The following ATP6V0A1 variants were observed in gnomAD, a reference collection of about 807,000 sequenced individuals.
The protein encoded by ATP6V0A1 is V-type proton ATPase 116 kDa subunit a 1.
A neutral mutation model predicts 105.4 loss-of-function variants in ATP6V0A1; 43 were observed. That is an observed-to-expected ratio of 0.41 (90% CI 0.32 to 0.53). The LOEUF is 0.53. Among genes scored for constraint, ATP6V0A1 ranks in the 20% least tolerant of loss-of-function variants. ATP6V0A1 has a pLI of 0.30. For missense variants in ATP6V0A1, 676 were observed against 1,051.1 expected (o/e 0.64, Z 4.93); for synonymous variants, 362 against 372.8 (o/e 0.97, Z 0.33).
At chr17:42,492,423 TG>T (rs1412051559) in intron 11 of ATP6V0A1, among the ~76,000 whole-genome samples, 1 of 146,112 alleles carries the variant, frequency 6.8e-6, no homozygotes, top group Non-Finnish European at 1.5e-5. Flanking sequence ...GTTCATCGGC[TG>T]GGCCAGGTGT....
At chr17:42,476,507 C>T (rs1381628655) in intron 5 of ATP6V0A1, among the ~76,000 whole-genome samples, 2 of 152,120 alleles carry the variant, frequency 1.3e-5, no homozygotes, top group African/African-American at 4.8e-5. Context: ...CTGGTTTACT[C>T]CTAGTTTTTG....
At chr17:42,482,466 A>G (rs983311185) in intron 8 of ATP6V0A1, among the ~76,000 whole-genome samples, 2 of 151,588 alleles carry the variant, frequency 1.3e-5, no homozygotes, top group Non-Finnish European at 2.9e-5. Flanking sequence ...AATTTTTTCC[A>G]TGCCATCTTA....
chr17:42,494,176 GAGGTTGC>G (rs2090932090), intron 11 of ATP6V0A1, among the ~76,000 whole-genome samples, 151 bp from the exon 12 acceptor site: 1 of 151,880 alleles, frequency 6.6e-6, no homozygotes, highest in South Asian at 2.1e-4. Context: ...CTGGGAGATG[GAGGTTGC>G]AGTGAGCCAA....
At chr17:42,466,845 C>T (rs762172933) in intron 3 of ATP6V0A1, among the ~76,000 whole-genome samples, 17 of 152,054 alleles carry the variant, frequency 1.1e-4, no homozygotes, top group Non-Finnish European at 5.9e-5. Context: ...TTAATTTGAG[C>T]TATTTAAGAG....
intron 9 of ATP6V0A1, among the ~76,000 whole-genome samples, chr17:42,483,521 C>G (rs2089776980): frequency 6.6e-6 from 1 of 152,146 alleles, no homozygotes; most frequent in Non-Finnish European, 1.5e-5. Flanking sequence ...GATGCTCCTG[C>G]CTCAGCCTCC....
intron 14 of ATP6V0A1, among the ~76,000 whole-genome samples, chr17:42,497,160 G>C (rs1446204767): frequency 6.6e-6 from 1 of 151,532 alleles, no homozygotes. Flanking sequence ...AAAATTGGCC[G>C]GGTGTGGTGG....
At chr17:42,465,706 G>A (rs2086963815) in intron 2 of ATP6V0A1, among the ~76,000 whole-genome samples, 1 of 151,572 alleles carries the variant, frequency 6.6e-6, no homozygotes, top group South Asian at 2.1e-4. Flanking sequence ...GCTCATGCCT[G>A]CAATCCCAGC....
Position 42,487,299 on chromosome 17 carries a change from T to C in ATP6V0A1, c.955T>C (p.Leu319=). The C allele has an allele frequency of 2.5e-6, 4 of 1,614,228 alleles. No homozygotes were observed. The highest frequency in any genetic ancestry group is 3.4e-6 in the Non-Finnish European group (4 of 1,180,046). The part of the protein sequence containing the change: ...LCNIDVTQKC[L]IAEVWCPVTD... The stretch of plus-strand genomic sequence containing the variant: ...CAACATAGATGTGACTCAGAAATGC[T>C]TGATTGCAGAGGTCTGGTGCCCTGT... Residue 319 remains leucine, a synonymous_variant, in exon 10 of 22, where the codon TTG becomes CTG. Transcript: ENST00000343619.
chr17:42,487,381 G>A lies in ATP6V0A1; in HGVS notation c.1023+14G>A, dbSNP rs1309233029. Reference sequence around the variant, plus strand: ...AGAAGGGGCACGGTGAGTCCCCAAAGCTAACAATGCAGCTCGTGGCCCGGA... The same window carrying A: ...AGAAGGGGCACGGTGAGTCCCCAAAACTAACAATGCAGCTCGTGGCCCGGA... On this transcript the variant is annotated intron_variant, in intron 10 of 21. Coordinates refer to ENST00000343619, the MANE Select transcript of ATP6V0A1 (RefSeq NM_001130021.3). 1 of 1,611,430 alleles carries A rather than the reference G, an allele frequency of 6.2e-7. No homozygotes were observed. The highest frequency in any genetic ancestry group is 8.5e-7 in the Non-Finnish European group (1 of 1,178,312).
rs896784861 is a variant in ATP6V0A1, at chr17:42,477,756, C to G, written c.506+14C>G. The G allele has an allele frequency of 1.3e-6, 2 of 1,599,134 alleles. No individual in the cohort carries two copies. The highest frequency in any genetic ancestry group is 1.3e-5 in the African/African-American group (1 of 74,608). ...TTTAAGACTTGGGTAAGTGCCATGT[C>G]AACTTTTCGGTATTCAGTGGGGCCA... On this transcript the variant is annotated intron_variant, in intron 6 of 21. Coordinates refer to ENST00000343619, the MANE Select transcript of ATP6V0A1 (RefSeq NM_001130021.3).
chr17:42,514,506 T>C (rs1201040573), intron 21 of ATP6V0A1, 46 bp downstream of exon 21: 2 of 1,508,190 alleles, frequency 1.3e-6, no homozygotes, highest in Non-Finnish European at 1.8e-6. Context: ...GATGTGTCCT[T>C]AGCTGCGGTG....
chr17:42,495,524 A>G, intron 13 of ATP6V0A1, 102 bp from the exon 14 acceptor site: 1 of 881,336 alleles, frequency 1.1e-6, no homozygotes, highest in Non-Finnish European at 1.8e-6. Context: ...TTTATTGAAG[A>G]GACAAGATAG....
At position 42,468,074 on chromosome 17, in the gene ATP6V0A1, G is replaced by A. The variant is rs772959469; in HGVS notation, c.261G>A (p.Glu87=). 7 of 1,601,456 alleles carry A rather than the reference G, an allele frequency of 4.4e-6. No homozygotes were observed. The highest frequency in any genetic ancestry group is 5.1e-6 in the Non-Finnish European group (6 of 1,173,646). Residue 87 remains glutamate (E), a synonymous_variant, in exon 4 of 22, where the codon GAG becomes GAA. Transcript: ENST00000343619. ...TTATGGACACCGGTGAAAACCCAGAGGTTCCCTTCCCCCGGGACATGATTG... is the reference window on the plus strand; with the variant it reads ...TTATGGACACCGGTGAAAACCCAGAAGTTCCCTTCCCCCGGGACATGATTG... ...IPIMDTGENP[E]VPFPRDMIDL... is the part of the protein sequence containing the mutation.
intron 6 of ATP6V0A1, 26 bp from the exon 7 acceptor site, chr17:42,478,437 T>G (rs1567822900): frequency 1.3e-6 from 2 of 1,561,226 alleles, no homozygotes; most frequent in Non-Finnish European, 1.7e-6. Context: ...GGAATAGAGT[T>G]TCCAATCTGC....
At chr17:42,485,729 T>C (rs1388261500) in intron 9 of ATP6V0A1, among the ~76,000 whole-genome samples, 1 of 152,072 alleles carries the variant, frequency 6.6e-6, no homozygotes, top group South Asian at 2.1e-4. Flanking sequence ...TATTTTTTGG[T>C]ATGTTTTTGT....
chr17:42,495,364 T>A (rs988338504), intron 13 of ATP6V0A1, among the ~76,000 whole-genome samples, 176 bp downstream of exon 13: 1 of 152,156 alleles, frequency 6.6e-6, no homozygotes, highest in Non-Finnish European at 1.5e-5. Context: ...GAACTAAGAT[T>A]AGAAATGATT....
intron 21 of ATP6V0A1, among the ~76,000 whole-genome samples, chr17:42,517,693 G>A (rs1192368485): frequency 6.6e-6 from 1 of 152,184 alleles, no homozygotes; most frequent in East Asian, 1.9e-4. Context: ...CTGTGGCCCA[G>A]GACTGCAGGA....
At chr17:42,494,593 T>TA (rs2090978868) in intron 12 of ATP6V0A1, 120 bp downstream of exon 12, 2 of 1,268,788 alleles carry the variant, frequency 1.6e-6, no homozygotes, top group Non-Finnish European at 2.1e-6. Context: ...GTAGAGAAGT[T>TA]ATGTTCATTT....
At chr17:42,508,976 T>C (rs2092198664) in intron 19 of ATP6V0A1, among the ~76,000 whole-genome samples, 2 of 152,012 alleles carry the variant, frequency 1.3e-5, no homozygotes, top group African/African-American at 4.8e-5. Context: ...GGAGTAGCCG[T>C]TTCCTCCCTG....
Sources: allele counts gnomAD v4.1 joint callset (sites outside exome capture counted in the v4.1 genomes callset), GRCh38; gene constraint gnomAD v4.1.1; transcripts MANE v1.5; gene names NCBI Gene and HGNC (gene_info 2026-07-23, HGNC 2026-07-21).